The following SARNP variants were observed in gnomAD, a reference collection of about 807,000 sequenced individuals.
SARNP encodes SAP domain containing ribonucleoprotein, also known as SAP domain-containing ribonucleoprotein.
In SARNP, 5 loss-of-function variants were observed where a neutral mutation model predicts 38.1. That is an observed-to-expected ratio of 0.13 (90% CI 0.07 to 0.28). The LOEUF is 0.28. Ranked by LOEUF, SARNP falls within the 10% of genes least tolerant of loss-of-function variation. The pLI, the probability that SARNP is intolerant of heterozygous loss-of-function variation, is 1.00. For missense variants in SARNP, 180 were observed against 243.9 expected (o/e 0.74, Z 1.75); for synonymous variants, 84 against 80.6 (o/e 1.04, Z -0.23).
chr12:55,805,997 A>C (rs900952064), intron 1 of SARNP, among the ~76,000 whole-genome samples: 1 of 151,800 alleles, frequency 6.6e-6, no homozygotes, highest in African/African-American at 2.4e-5. Flanking sequence ...AGATCACATC[A>C]TTGCGCTCCA....
intron 9 of SARNP, among the ~76,000 whole-genome samples, chr12:55,785,070 T>C (rs1879450642): frequency 6.6e-6 from 1 of 152,228 alleles, no homozygotes; most frequent in African/African-American, 2.4e-5. Flanking sequence ...TCAGAATAAT[T>C]TAATGCTGTT....
At chr12:55,763,308 CTTTT>C (rs34618547) in intron 9 of SARNP, among the ~76,000 whole-genome samples, 1 of 146,064 alleles carries the variant, frequency 6.8e-6, no homozygotes, top group African/African-American at 2.5e-5. Flanking sequence ...TCATTTACTA[CTTTT>C]TTTTTTTTTT....
intron 4 of SARNP, among the ~76,000 whole-genome samples, chr12:55,800,279 A>G (rs1448708660): frequency 1.3e-5 from 2 of 152,112 alleles, no homozygotes; most frequent in Non-Finnish European, 2.9e-5. Context: ...ATAATCTATT[A>G]TGGTGACCCT....
At position 55,808,398 on chromosome 12, in the gene SARNP, A is replaced by G. The variant is rs142427997; in HGVS notation, c.37-4670T>C. Among the ~76,000 whole-genome samples the G allele has an allele frequency of 3.1e-3, 471 of 151,548 alleles. 4 individuals carry two copies. Among genetic ancestry groups the G allele is most frequent in the African/African-American group, 0.011 (440 of 41,234 alleles). On this transcript the variant is annotated intron_variant, in intron 1 of 10. Coordinates refer to ENST00000336133, the MANE Select transcript of SARNP (RefSeq NM_033082.4). Reference sequence around the variant, plus strand: ...CAATGGCGTGATCTTGGCTCACCGCAACCTCCACCTCCCGAGTTCAAGCAA... The same window carrying G: ...CAATGGCGTGATCTTGGCTCACCGCGACCTCCACCTCCCGAGTTCAAGCAA...
At position 55,817,679 on chromosome 12, in the gene SARNP, A is replaced by G. The variant is rs765953314; in HGVS notation, c.23T>C (p.Leu8Pro). 1 of 1,612,384 alleles carries G rather than the reference A, an allele frequency of 6.2e-7. No homozygotes were observed. Among genetic ancestry groups the G allele is most frequent in the East Asian group, 2.2e-5 (1 of 44,680 alleles). ...GATTCACGGTACCTTTAGCTTATGG[A>G]GCTCCACCGTCTCGGTCGCCATCTT... MATETVE[L>P]HKLKLAELKQ... The change falls in exon 1 of 11, where the codon CTC (leucine) becomes CCC (proline). Residue 8 changes from leucine to proline, a missense_variant. Transcript: ENST00000336133.
At chr12:55,813,899 T>C (rs542222673) in intron 1 of SARNP, among the ~76,000 whole-genome samples, 2 of 152,300 alleles carry the variant, frequency 1.3e-5, no homozygotes, top group African/African-American at 4.8e-5. Context: ...AGTTACTCAG[T>C]TACTCTCTCT....
intron 10 of SARNP, among the ~76,000 whole-genome samples, chr12:55,759,922 G>C (rs776384259): frequency 6.6e-6 from 1 of 151,694 alleles, no homozygotes; most frequent in African/African-American, 2.4e-5. Context: ...ATTTTTAGTA[G>C]AGACAGGGTT....
At position 55,817,696 on chromosome 12, in the gene SARNP, C is replaced by T; in HGVS notation, c.6G>A (p.Ala2=). 2.5e-6 allele frequency: 4 copies of T among 1,613,162 alleles called. No homozygotes were observed. Among genetic ancestry groups the T allele is most frequent in the South Asian group, 1.1e-5 (1 of 90,918 alleles). The change falls in exon 1 of 11, where the codon GCG becomes GCA. Residue 2 remains alanine (A), a synonymous_variant. Coordinates refer to ENST00000336133, the MANE Select transcript of SARNP (RefSeq NM_033082.4). ...GCTTATGGAGCTCCACCGTCTCGGTCGCCATCTTGTTACCCCTCACTCCAC... is the reference window on the plus strand; with the variant it reads ...GCTTATGGAGCTCCACCGTCTCGGTTGCCATCTTGTTACCCCTCACTCCAC... M[A]TETVELHKLK... is the part of the protein sequence containing the mutation.
intron 9 of SARNP, among the ~76,000 whole-genome samples, chr12:55,772,167 C>T (rs769601814): frequency 5.3e-5 from 8 of 152,068 alleles, no homozygotes; most frequent in Admixed American, 1.3e-4. Context: ...GCAAGTACAC[C>T]GCCTTAGCAA....
intron 1 of SARNP, among the ~76,000 whole-genome samples, chr12:55,815,252 G>C (rs1880447954): frequency 6.6e-6 from 1 of 151,968 alleles, no homozygotes; most frequent in African/African-American, 2.4e-5. Context: ...TAGAGACAGG[G>C]TCTCACTATG....
chr12:55,770,954 T>TTA (rs1555171797), intron 9 of SARNP, among the ~76,000 whole-genome samples: 2 of 149,200 alleles, frequency 1.3e-5, no homozygotes, highest in Non-Finnish European at 3.0e-5. Context: ...TTTTTTTTTT[T>TTA]AACAGAGTTT....
At chr12:55,765,675 C>T (rs1363476500) in intron 9 of SARNP, among the ~76,000 whole-genome samples, 2 of 152,066 alleles carry the variant, frequency 1.3e-5, no homozygotes, top group Non-Finnish European at 2.9e-5. Flanking sequence ...TCTTTGGTGC[C>T]TCTTCAGGAG....
chr12:55,793,546 C>T (rs1429716854), intron 7 of SARNP: 1 of 151,636 alleles, frequency 6.6e-6, no homozygotes, highest in South Asian at 2.1e-4. Flanking sequence ...GCAGGTTTCA[C>T]ATCCCAAGAA....
intron 1 of SARNP, 37 bp downstream of exon 1, chr12:55,817,629 G>A: frequency 1.3e-6 from 2 of 1,599,560 alleles, no homozygotes; most frequent in Non-Finnish European, 8.5e-7. Flanking sequence ...TCAGTTCCTA[G>A]AAAAGTCCAA....
intron 9 of SARNP, among the ~76,000 whole-genome samples, chr12:55,764,725 G>A (rs1878776117): frequency 1.3e-5 from 2 of 150,182 alleles, no homozygotes; most frequent in Non-Finnish European, 1.5e-5. Flanking sequence ...GTCCCTACTC[G>A]GGAAGCTGAG....
chr12:55,797,345 T>A (rs931543540), intron 4 of SARNP, among the ~76,000 whole-genome samples: 19 of 152,108 alleles, frequency 1.2e-4, no homozygotes, highest in Non-Finnish European at 2.5e-4. Context: ...GGAATCAAAC[T>A]AGAAACAGGT....
rs115046840 is a variant in SARNP, at chr12:55,794,658, C to T, written c.377+149G>A. 2.2e-3 allele frequency: 1,422 copies of T among 650,298 alleles called. 17 individuals are homozygous for T. In the African/African-American group the frequency reaches 0.024, roughly 11 times the overall value. 40.3% of individuals were successfully genotyped at this position (650,298 alleles called of 1,614,324 possible). ...TAGCTACTATAACCAAATCAGTAGA[C>T]ATGTTCTGAATAGGGTCAAAAAAGT... On this transcript the variant is annotated intron_variant, in intron 6 of 10. Coordinates refer to ENST00000336133, the MANE Select transcript of SARNP (RefSeq NM_033082.4).
chr12:55,759,258 T>C (rs1878602902), intron 10 of SARNP, among the ~76,000 whole-genome samples: 1 of 152,140 alleles, frequency 6.6e-6, no homozygotes, highest in Non-Finnish European at 1.5e-5. Context: ...AACCAGTTCT[T>C]ATTAAATATT....
intron 4 of SARNP, among the ~76,000 whole-genome samples, chr12:55,800,019 G>A (rs904026504): frequency 2.6e-5 from 4 of 151,860 alleles, no homozygotes; most frequent in South Asian, 4.2e-4. Context: ...GTAAAACCCT[G>A]TCTCTACTAA....
Sources: allele counts gnomAD v4.1 joint callset (sites outside exome capture counted in the v4.1 genomes callset), GRCh38; gene constraint gnomAD v4.1.1; transcripts MANE v1.5; gene names NCBI Gene and HGNC (gene_info 2026-07-23, HGNC 2026-07-21).